The following LANCL1 variants were observed in gnomAD, a reference collection of about 807,000 sequenced individuals.
The protein encoded by LANCL1 is LanC like glutathione S-transferase 1.
Under a neutral mutation model 50.6 loss-of-function variants are expected in LANCL1, and 50 were observed. The observed-to-expected ratio is 0.99, with a 90% CI of 0.79 to 1.25. The LOEUF (loss-of-function observed/expected upper bound fraction) is 1.25. LANCL1 is among the 50% of genes most tolerant of loss of function. LANCL1 has a pLI of 0.00. For synonymous variants in LANCL1, 188 were observed against 178.6 expected (o/e 1.05, Z -0.42); for missense variants, 532 against 480.7 (o/e 1.11, Z -1.00).
rs1365198477 is a variant in LANCL1 at position 210,437,846 on chromosome 2, C to A, written c.717G>T (p.Lys239Asn). Residue 239 changes from lysine (K) to asparagine (N), a missense_variant, in exon 7 of 10, where the codon AAG becomes AAT. Transcript: ENST00000450366. ...CACTGGGCTTGACCAAACTATGTAA[C>A]TTCCCTTGGCTCACTTGAAGGCTGG... is the stretch of plus-strand genomic sequence containing the variant. ...MQPSLQVSQG[K>N]LHSLVKPSVD... 4 of 1,600,166 alleles carry A rather than the reference C, an allele frequency of 2.5e-6. No individual in the cohort carries two copies. Among genetic ancestry groups the A allele is most frequent in the Non-Finnish European group, 3.4e-6 (4 of 1,175,186 alleles).
At chr2:210,459,169 GAATT>G (rs1030246118) in intron 3 of LANCL1, among the ~76,000 whole-genome samples, 13 of 152,084 alleles carry the variant, frequency 8.5e-5, no homozygotes, top group Admixed American at 3.3e-4. Context: ...CTAGAGTTTA[GAATT>G]ATTTTATATT....
chr2:210,447,172 C>A (rs1693365962), intron 4 of LANCL1, among the ~76,000 whole-genome samples: 1 of 152,138 alleles, frequency 6.6e-6, no homozygotes, highest in Non-Finnish European at 1.5e-5. Context: ...ACCCCAGAAG[C>A]CAGAAGACAG....
chr2:210,450,189 AC>A (rs1693470656), intron 4 of LANCL1, among the ~76,000 whole-genome samples: 1 of 152,114 alleles, frequency 6.6e-6, no homozygotes, highest in African/African-American at 2.4e-5. Context: ...AAATAACACC[AC>A]ACACGTACAG....
At chr2:210,456,933 G>C (rs1454745477) in intron 3 of LANCL1, among the ~76,000 whole-genome samples, 1 of 152,140 alleles carries the variant, frequency 6.6e-6, no homozygotes, top group Non-Finnish European at 1.5e-5. Flanking sequence ...GTAAGATTTG[G>C]TGTATTTCTC....
chr2:210,440,564 G>T, intron 6 of LANCL1, 34 bp downstream of exon 6: 1 of 1,590,326 alleles, frequency 6.3e-7, no homozygotes, highest in Non-Finnish European at 8.6e-7. Flanking sequence ...GGTCAGGAAG[G>T]ACATTTTAAA....
At chr2:210,458,190 G>A (rs752924593) in intron 3 of LANCL1, among the ~76,000 whole-genome samples, 17 of 152,166 alleles carry the variant, frequency 1.1e-4, no homozygotes, top group Non-Finnish European at 2.4e-4. Flanking sequence ...CTGTGAAGCT[G>A]CCACACCAGT....
intron 3 of LANCL1, among the ~76,000 whole-genome samples, chr2:210,458,323 C>T (rs1031239663): frequency 6.6e-6 from 1 of 152,188 alleles, no homozygotes; most frequent in Non-Finnish European, 1.5e-5. Flanking sequence ...CTTCTCAAAG[C>T]TAGAGAGGCA....
At chr2:210,446,524 T>G (rs976770728) in intron 4 of LANCL1, among the ~76,000 whole-genome samples, 1 of 151,948 alleles carries the variant, frequency 6.6e-6, no homozygotes, top group Non-Finnish European at 1.5e-5. Flanking sequence ...TTGACGGAAG[T>G]AGGCTTCAGA....
chr2:210,444,497 G>C (rs1229517059), intron 4 of LANCL1, among the ~76,000 whole-genome samples: 1 of 152,216 alleles, frequency 6.6e-6, no homozygotes, highest in Non-Finnish European at 1.5e-5. Context: ...GAGTCTTTAA[G>C]GGAACTGCAG....
At chr2:210,475,995 C>T (rs1254579228) in intron 2 of LANCL1, among the ~76,000 whole-genome samples, 1 of 152,132 alleles carries the variant, frequency 6.6e-6, no homozygotes, top group Non-Finnish European at 1.5e-5. Context: ...CGTTAGGATT[C>T]TTCACCTCTT....
intron 2 of LANCL1, among the ~76,000 whole-genome samples, chr2:210,475,360 G>A (rs968080209): frequency 1.3e-5 from 2 of 151,938 alleles, no homozygotes; most frequent in Admixed American, 6.6e-5. Context: ...TTAGAGACAG[G>A]GTCTCTGTCA....
rs79090487 is a variant in LANCL1 at position 210,461,701 on chromosome 2, G to A, written c.200-6387C>T. Among the ~76,000 whole-genome samples the A allele has an allele frequency of 7.7e-3, 1,173 of 151,894 alleles. 9 individuals carry two copies. The highest frequency in any genetic ancestry group is 0.013 in the Non-Finnish European group (878 of 67,962). ...TTAACTTTGTGAGTCGGTTACAGAA[G>A]ATTGGGTCATGTCTTTCAGAACAGA... On this transcript the variant is annotated intron_variant, in intron 3 of 9. Coordinates refer to ENST00000450366, the MANE Select transcript of LANCL1 (RefSeq NM_006055.3).
chr2:210,471,051 T>C (rs1291476560), intron 3 of LANCL1, among the ~76,000 whole-genome samples: 2 of 144,432 alleles, frequency 1.4e-5, no homozygotes. Context: ...GATTTTTTTT[T>C]TTTTTTTTTT....
Position 210,441,402 on chromosome 2 carries a change from T to C in LANCL1, c.449A>G (p.Glu150Gly). Residue 150 changes from glutamate to glycine, a missense_variant, in exon 5 of 10, where the codon GAA (glutamate) becomes GGA (glycine). By Grantham distance (98) the Glu-to-Gly change is moderately conservative. Transcript: ENST00000450366. ...LNKIDPHAPN[E>G]MLYGRIGYIY... ...GTAGCCTATTCGCCCATAGAGCATT[T>C]CATTTGGAGCATGAGGATCAATCTT... 1 of 1,612,046 alleles carries C rather than the reference T, an allele frequency of 6.2e-7. No homozygotes were observed. Among genetic ancestry groups the C allele is most frequent in the Non-Finnish European group, 8.5e-7 (1 of 1,178,620 alleles).
At chr2:210,447,380 G>T (rs1342584418) in intron 4 of LANCL1, among the ~76,000 whole-genome samples, 1 of 152,046 alleles carries the variant, frequency 6.6e-6, no homozygotes, top group Non-Finnish European at 1.5e-5. Context: ...AGGAACAACT[G>T]GTACCAGCTA....
intron 3 of LANCL1, chr2:210,468,796 A>C (rs1694144923): frequency 6.6e-6 from 1 of 152,206 alleles, no homozygotes; most frequent in South Asian, 2.1e-4. Context: ...GTTCCTATTA[A>C]CATCCTGAAG....
chr2:210,442,751 G>A (rs1454850054), intron 4 of LANCL1: 1 of 152,234 alleles, frequency 6.6e-6, no homozygotes, highest in African/African-American at 2.4e-5. Context: ...ACTCAGTACA[G>A]CACAAAACCC....
rs566273782 is a variant in LANCL1, at chr2:210,432,403, G to A, written c.*2084C>T. 1 of 152,274 alleles carries A rather than the reference G, an allele frequency of 6.6e-6. No homozygotes were observed. The highest frequency in any genetic ancestry group is 2.4e-5 in the African/African-American group (1 of 41,562). The allele number at this position is 152,274 out of a possible 1,614,324, so 9.4% of individuals were successfully genotyped here. ...TTGCAATTTTTTGTGTGAAAAATCA[G>A]ACCTTGGCAATGACTTTGAGCAGTA... On this transcript the variant is annotated 3_prime_UTR_variant, in exon 10 of 10. Transcript: ENST00000450366.
Position 210,437,881 on chromosome 2 carries a change from G to A in LANCL1, c.691-9C>T. On this transcript the variant is annotated splice_polypyrimidine_tract_variant and intron_variant, in intron 6 of 9. Coordinates refer to ENST00000450366, the MANE Select transcript of LANCL1 (RefSeq NM_006055.3). ...CTCACTTGAAGGCTGGGCTAAAAAT[G>A]AGAAGGAAATTATTAGTTCTGCTGA... The A allele has an allele frequency of 1.9e-6, 3 of 1,576,318 alleles. No homozygotes were observed. Among genetic ancestry groups the A allele is most frequent in the Non-Finnish European group, 2.6e-6 (3 of 1,162,824 alleles).
Sources: gnomAD v4.1 joint callset for allele counts (sites outside exome capture counted in the v4.1 genomes callset) on GRCh38, gnomAD v4.1.1 for gene constraint, MANE v1.5 for transcripts, NCBI Gene and HGNC (gene_info 2026-07-23, HGNC 2026-07-21) for gene names.